CAMTA1: variants seen among roughly 807,000 people sequenced by gnomAD.
CAMTA1 encodes the protein calmodulin-binding transcription activator 1.
CAMTA1 carries 27 observed loss-of-function variants against 170.9 expected under a neutral mutation model. The ratio of observed to expected loss-of-function variants is 0.16; its 90% CI spans 0.12 to 0.22. The LOEUF (loss-of-function observed/expected upper bound fraction) is 0.22, where lower values mean the gene tolerates loss of function less well. Among genes scored for constraint, CAMTA1 ranks in the 10% least tolerant of loss-of-function variants. The pLI is 1.00. For synonymous variants in CAMTA1, 833 were observed against 891.5 expected (o/e 0.93, Z 1.17); for missense variants, 1,619 against 2,217.2 (o/e 0.73, Z 5.42).
intron 5 of CAMTA1, among the ~76,000 whole-genome samples, chr1:7,437,548 C>T (rs1269251686): frequency 3.3e-5 from 5 of 152,214 alleles, no homozygotes; most frequent in African/African-American, 1.2e-4. Context: ...GAACTCCTTA[C>T]ATCTGCAGAG....
intron 6 of CAMTA1, among the ~76,000 whole-genome samples, chr1:7,560,117 C>T (rs1557916449): frequency 1.3e-5 from 2 of 152,232 alleles, no homozygotes; most frequent in Admixed American, 1.3e-4. Flanking sequence ...GGATTCTTCT[C>T]CTCTCCCCCA....
Position 7,276,303 on chromosome 1 carries a change from A to ATATATATTT in CAMTA1, c.438+26678_438+26679insATATATTTT. Among the ~76,000 whole-genome samples the ATATATATTT allele has an allele frequency of 8.1e-3, 197 of 24,180 alleles. 13 individuals are homozygous for ATATATATTT. Among genetic ancestry groups the ATATATATTT allele is most frequent in the African/African-American group, 0.055 (183 of 3,318 alleles). 15.9% of individuals were successfully genotyped at this position (24,180 alleles called of 152,430 possible). ...CATATATATATATATATATATATAT[A>ATATATATTT]TTTTTTTTTTTTTTTTTTCTTTTTG... On this transcript the variant is annotated intron_variant, in intron 5 of 22. Coordinates refer to ENST00000303635, the MANE Select transcript of CAMTA1 (RefSeq NM_015215.4).
At chr1:7,357,497 T>G (rs1445342629) in intron 5 of CAMTA1, among the ~76,000 whole-genome samples, 1 of 152,202 alleles carries the variant, frequency 6.6e-6, no homozygotes, top group Non-Finnish European at 1.5e-5. Flanking sequence ...TCCATTTCTT[T>G]GTAAATAGGG....
At chr1:7,427,400 G>A (rs1399853845) in intron 5 of CAMTA1, among the ~76,000 whole-genome samples, 2 of 152,074 alleles carry the variant, frequency 1.3e-5, no homozygotes, top group Admixed American at 1.3e-4. Flanking sequence ...ACGGCAATGG[G>A]TTCAAAAAGA....
At chr1:7,601,671 G>A (rs1004252394) in intron 6 of CAMTA1, among the ~76,000 whole-genome samples, 1 of 152,258 alleles carries the variant, frequency 6.6e-6, no homozygotes, top group Non-Finnish European at 1.5e-5. Flanking sequence ...GAGTGAACGC[G>A]ACTCCGTCTG....
At chr1:7,476,484 G>A (rs958907206) in intron 6 of CAMTA1, among the ~76,000 whole-genome samples, 1 of 152,130 alleles carries the variant, frequency 6.6e-6, no homozygotes, top group Non-Finnish European at 1.5e-5. Context: ...TCTGACATGG[G>A]GCAAGCATGG....
rs75790010 is a variant in CAMTA1, at chr1:7,501,169, C to T, written c.510+33268C>T. Among the ~76,000 whole-genome samples the T allele has an allele frequency of 5.1e-3, 775 of 152,236 alleles. 5 individuals are homozygous for T. The highest frequency in any genetic ancestry group is 8.3e-3 in the Non-Finnish European group (565 of 67,998). ...AGGTTCTAGGGCATTCTCCCCAGACCCTCCAGGGAGGCTCTCCCTGGAAGG... is the reference window on the plus strand; with the variant it reads ...AGGTTCTAGGGCATTCTCCCCAGACTCTCCAGGGAGGCTCTCCCTGGAAGG... On this transcript the variant is annotated intron_variant, in intron 6 of 22. Transcript: ENST00000303635.
intron 6 of CAMTA1, among the ~76,000 whole-genome samples, chr1:7,579,949 G>A (rs557348291): frequency 3.9e-5 from 6 of 152,356 alleles, no homozygotes; most frequent in African/African-American, 9.6e-5. Flanking sequence ...GATCTGGGTC[G>A]TGGCACCCAA....
Position 7,249,213 on chromosome 1 carries a change from A to G in CAMTA1, c.303-278A>G, listed in dbSNP as rs945506990. ...TTCAGTGCAGAGCTCAGGCCCCCAC[A>G]TCGTATATCCTGATTACTTTGTGGT... On this transcript the variant is annotated intron_variant, in intron 4 of 22. Transcript: ENST00000303635. This position sits in a 1 kb window ranked among gnomAD's most constrained non-coding sequence, Gnocchi z 4.4. Among the ~76,000 whole-genome samples the G allele has an allele frequency of 1.3e-5, 2 of 152,116 alleles. No homozygotes were observed. Among genetic ancestry groups the G allele is most frequent in the South Asian group, 2.1e-4 (1 of 4,818 alleles).
chr1:7,695,995 G>T (rs2096371628), intron 11 of CAMTA1, among the ~76,000 whole-genome samples: 1 of 152,194 alleles, frequency 6.6e-6, no homozygotes. Flanking sequence ...TATTCTTAGG[G>T]AGTAGCTAGT....
chr1:7,447,959 C>T (rs181645811), intron 5 of CAMTA1, among the ~76,000 whole-genome samples: 7 of 152,380 alleles, frequency 4.6e-5, no homozygotes, highest in Admixed American at 2.0e-4. Flanking sequence ...GTTGGTCTGA[C>T]CTCAGAGCCC....
rs1327520034 is a variant in CAMTA1 at position 7,146,497 on chromosome 1, G to A, written c.302+55126G>A. ...TCGGTGCTTTGCTGAGAACCAGTTAGGTGAATTCTGTGCTGGTGGACACTG... is the reference window on the plus strand; with the variant it reads ...TCGGTGCTTTGCTGAGAACCAGTTAAGTGAATTCTGTGCTGGTGGACACTG... On this transcript the variant is annotated intron_variant, in intron 4 of 22. Transcript: ENST00000303635. This position sits in a 1 kb window ranked among gnomAD's most constrained non-coding sequence, Gnocchi z 4.3. Among the ~76,000 whole-genome samples the A allele has an allele frequency of 3.3e-5, 5 of 152,126 alleles. No homozygotes were observed. The highest frequency in any genetic ancestry group is 4.8e-5 in the African/African-American group (2 of 41,422).
intron 5 of CAMTA1, among the ~76,000 whole-genome samples, chr1:7,460,415 A>C (rs2093055322): frequency 6.6e-6 from 1 of 152,128 alleles, no homozygotes; most frequent in South Asian, 2.1e-4. Context: ...CGGCATGTAC[A>C]CGCTCTCTAT....
intron 5 of CAMTA1, among the ~76,000 whole-genome samples, chr1:7,427,373 C>G (rs1031190920): frequency 3.3e-5 from 5 of 152,048 alleles, no homozygotes; most frequent in Admixed American, 6.6e-5. Context: ...TGCGAGTGAT[C>G]CAAACTCAGT....
At chr1:7,395,754 A>G (rs985556404) in intron 5 of CAMTA1, among the ~76,000 whole-genome samples, 3 of 151,942 alleles carry the variant, frequency 2.0e-5, no homozygotes, top group Non-Finnish European at 4.4e-5. Context: ...TTCTTATATC[A>G]ATTTTTTTAT....
At chr1:7,385,407 C>T (rs879548630) in intron 5 of CAMTA1, among the ~76,000 whole-genome samples, 7 of 152,196 alleles carry the variant, frequency 4.6e-5, no homozygotes, top group African/African-American at 1.2e-4. Context: ...TGGCGTTTTA[C>T]GTTTCAAGTT....
At position 7,486,667 on chromosome 1, in the gene CAMTA1, C is replaced by T. The variant is rs563855835; in HGVS notation, c.510+18766C>T. 2.0e-5 allele frequency among the ~76,000 whole-genome samples: 3 copies of T among 152,334 alleles called. No homozygotes were observed. The South Asian group carries it at 6.2e-4, about 32-fold the overall frequency. On this transcript the variant is annotated intron_variant, in intron 6 of 22. Transcript: ENST00000303635. ...GACCTAAGGCTTAGCTAATCTCAGG[C>T]TCCCTGTCTGTCCTGTGTCCGGGAT...
intron 3 of CAMTA1, among the ~76,000 whole-genome samples, chr1:6,955,799 A>G (rs4908580): frequency 0.99 from 150,278 of 152,190 alleles, 74,217 homozygotes; most frequent in Middle Eastern, 1. Flanking sequence ...TGGATGGGGC[A>G]GAGGTCAGCT....
At chr1:7,310,647 T>TCTTTC (rs61161982) in intron 5 of CAMTA1, among the ~76,000 whole-genome samples, 1,922 of 49,222 alleles carry the variant, frequency 0.039, 282 homozygotes, top group East Asian at 0.068. Flanking sequence ...TTTCTTTCTT[T>TCTTTC]TTTCTTTCTT....
Sources: allele counts gnomAD v4.1 joint callset (sites outside exome capture counted in the v4.1 genomes callset), GRCh38; gene constraint gnomAD v4.1.1; non-coding constraint Gnocchi (gnomAD v3.1); transcripts MANE v1.5; gene names NCBI Gene and HGNC (gene_info 2026-07-23, HGNC 2026-07-21).